The following DIAPH2 variants were observed in gnomAD, a reference collection of about 807,000 sequenced individuals.
DIAPH2 encodes the protein diaphanous related formin 2, also known as protein diaphanous homolog 2.
A neutral mutation model predicts 92.7 loss-of-function variants in DIAPH2; 35 were observed. The ratio of observed to expected loss-of-function variants is 0.38; its 90% CI spans 0.29 to 0.50. DIAPH2 has a LOEUF of 0.50. Among genes scored for constraint, DIAPH2 ranks in the 20% least tolerant of loss-of-function variants. The pLI, the probability that DIAPH2 is intolerant of heterozygous loss-of-function variation, is 0.94. For synonymous variants in DIAPH2, 301 were observed against 280.4 expected, an observed-to-expected ratio of 1.07 and a Z score of -0.73; for missense variants, 701 against 819.5, an observed-to-expected ratio of 0.86 and a Z score of 1.77.
rs1471990357 is a variant in DIAPH2, at chrX:97,451,764, A to G, written c.3241+22019A>G. 2.7e-5 allele frequency among the ~76,000 whole-genome samples: 3 copies of G among 111,433 alleles called. No homozygotes were observed. The East Asian group carries it at 8.4e-4, about 31-fold the overall frequency. The stretch of plus-strand genomic sequence containing the variant: ...TTTCTAAATGGAACAATTAGAACAA[A>G]CCTTATTTTAAAGTGTGCCTTTCCC... On this transcript the variant is annotated intron_variant, in intron 26 of 26. Transcript: ENST00000324765.
At chrX:97,543,232 A>G (rs1253487578) in intron 26 of DIAPH2, among the ~76,000 whole-genome samples, 2 of 111,945 alleles carry the variant, frequency 1.8e-5, no homozygotes, top group Non-Finnish European at 3.8e-5. Context: ...GGCTTCTTAC[A>G]TGGCGCATGT....
At position 97,444,133 on chromosome X, in the gene DIAPH2, C is replaced by A. The variant is rs994179335; in HGVS notation, c.3241+14388C>A. ...TGTAAGACTGTTATAAGGATTTGAT[C>A]TGTTTGTTTGAGGGACTTCTGGAAT... On this transcript the variant is annotated intron_variant, in intron 26 of 26. Coordinates refer to ENST00000324765, the MANE Select transcript of DIAPH2 (RefSeq NM_006729.5). 1.2e-4 allele frequency among the ~76,000 whole-genome samples: 13 copies of A among 111,376 alleles called. 1 individual carries two copies.
intron 26 of DIAPH2, among the ~76,000 whole-genome samples, chrX:97,434,922 G>T (rs186644856): frequency 1.2e-3 from 137 of 111,318 alleles, no homozygotes; most frequent in African/African-American, 4.2e-3. Context: ...TTGTTATAGG[G>T]ATTTTTAAGA....
intron 17 of DIAPH2, among the ~76,000 whole-genome samples, chrX:97,044,610 G>C (rs2066468857): frequency 9.0e-6 from 1 of 110,946 alleles, no homozygotes; most frequent in Admixed American, 9.6e-5. Context: ...CTTGTGCCCT[G>C]GTTCCCATTC....
At chrX:96,749,025 T>C (rs5949454) in intron 3 of DIAPH2, among the ~76,000 whole-genome samples, 9,980 of 107,001 alleles carry the variant, frequency 0.093, 433 homozygotes, top group Middle Eastern at 0.17. Flanking sequence ...ATTATATAGT[T>C]TGCAAAACCT....
chrX:97,394,175 G>GA (rs1316366937), intron 25 of DIAPH2, among the ~76,000 whole-genome samples: 22 of 111,600 alleles, frequency 2.0e-4, no homozygotes, highest in African/African-American at 6.8e-4. Context: ...TTATAGATTA[G>GA]AAAACTCACA....
chrX:96,700,255 C>T (rs887370044), intron 1 of DIAPH2, among the ~76,000 whole-genome samples: 1 of 112,047 alleles, frequency 8.9e-6, no homozygotes, highest in African/African-American at 3.2e-5. Context: ...GCGATCCACC[C>T]GTCTCAGCCT....
chrX:97,591,067 A>G (rs960112199), intron 26 of DIAPH2, among the ~76,000 whole-genome samples: 6 of 111,851 alleles, frequency 5.4e-5, no homozygotes, highest in Non-Finnish European at 7.5e-5. Flanking sequence ...ATTGCTTTTC[A>G]TACCCTCTTT....
At chrX:97,122,208 T>C (rs1409528750) in intron 21 of DIAPH2, among the ~76,000 whole-genome samples, 1 of 111,820 alleles carries the variant, frequency 8.9e-6, no homozygotes, top group African/African-American at 3.2e-5. Context: ...AAACTTGGAA[T>C]CCATCTTTTT....
chrX:97,308,615 T>C (rs2068766286), intron 23 of DIAPH2, among the ~76,000 whole-genome samples: 3 of 2,768 alleles, frequency 1.1e-3, no homozygotes, highest in African/African-American at 1.2e-3. Context: ...AAACCCCATC[T>C]TTTTTTTTTT....
intron 4 of DIAPH2, among the ~76,000 whole-genome samples, chrX:96,860,179 G>A (rs759123546): frequency 9.9e-5 from 11 of 111,541 alleles, no homozygotes; most frequent in Non-Finnish European, 2.1e-4. Context: ...TTACAACTTT[G>A]AATAAATAAA....
At chrX:96,885,773 G>A (rs760365638) in intron 5 of DIAPH2, among the ~76,000 whole-genome samples, 9 of 111,803 alleles carry the variant, frequency 8.0e-5, no homozygotes, top group African/African-American at 2.6e-4. Flanking sequence ...CATATATGAT[G>A]TGGTATTTGG....
intron 23 of DIAPH2, among the ~76,000 whole-genome samples, chrX:97,294,369 G>A (rs1024306037): frequency 8.9e-6 from 1 of 112,192 alleles, no homozygotes; most frequent in Non-Finnish European, 1.9e-5. Flanking sequence ...ATTTATGGAT[G>A]AGAAAACTGA....
Position 97,466,884 on chromosome X carries a change from T to C in DIAPH2, c.3241+37139T>C, listed in dbSNP as rs767177562. ...GCCTGAGAGTGAGAGAGAATATATG[T>C]GTATAGGTATGTTTATATGTATTGC... On this transcript the variant is annotated intron_variant, in intron 26 of 26. Coordinates refer to ENST00000324765, the MANE Select transcript of DIAPH2 (RefSeq NM_006729.5). 2.7e-5 allele frequency among the ~76,000 whole-genome samples: 3 copies of C among 112,258 alleles called. No homozygotes were observed. In the South Asian group the frequency reaches 1.1e-3, roughly 42 times the overall value.
In DIAPH2 at chrX:97,131,647, G is replaced by A. The variant is rs750878193; in HGVS notation, c.2590-10018G>A. Among the ~76,000 whole-genome samples, 112 of 111,828 alleles carry A rather than the reference G, an allele frequency of 1.0e-3. 1 individual carries two copies. The highest frequency in any genetic ancestry group is 4.6e-3 in the Middle Eastern group (1 of 217). On this transcript the variant is annotated intron_variant, in intron 21 of 26. Transcript: ENST00000324765. The stretch of plus-strand genomic sequence containing the variant: ...AATAAAAGTTAAAAGTTTTAGTTAC[G>A]TGCTTAACCCATGTCTGAGAAGAAA...
Position 97,198,305 on chromosome X carries a change from T to C in DIAPH2, c.2720-49410T>C, listed in dbSNP as rs868243774. 5.0e-3 allele frequency among the ~76,000 whole-genome samples: 424 copies of C among 84,754 alleles called. 1 individual carries two copies. Among genetic ancestry groups the C allele is most frequent in the African/African-American group, 0.029 (373 of 12,690 alleles). The allele number at this position is 84,754 out of a possible 115,157, so 73.6% of individuals were successfully genotyped here. ...ACACACACACACACACACACACACA[T>C]ATGTGTATATACATATATATATACA... On this transcript the variant is annotated intron_variant, in intron 22 of 26. Transcript: ENST00000324765.
At chrX:97,307,001 G>A (rs1396517632) in intron 23 of DIAPH2, among the ~76,000 whole-genome samples, 1 of 111,849 alleles carries the variant, frequency 8.9e-6, no homozygotes, top group Non-Finnish European at 1.9e-5. Context: ...ATTGTGAATG[G>A]GGCAGTTTAA....
chrX:97,293,828 G>GT (rs2068620265), intron 23 of DIAPH2, among the ~76,000 whole-genome samples: 1 of 111,649 alleles, frequency 9.0e-6, no homozygotes, highest in Non-Finnish European at 1.9e-5. Flanking sequence ...GTCTATCTTT[G>GT]TTTGTTCCTA....
chrX:96,773,242 C>CCA (rs767579908), intron 4 of DIAPH2, among the ~76,000 whole-genome samples: 1 of 86,162 alleles, frequency 1.2e-5, no homozygotes, highest in Admixed American at 1.3e-4. Context: ...TTGTTTCCCC[C>CCA]CCCCTCCCGC....
Sources: allele counts gnomAD v4.1 joint callset (sites outside exome capture counted in the v4.1 genomes callset), GRCh38; gene constraint gnomAD v4.1.1; transcripts MANE v1.5; gene names NCBI Gene and HGNC (gene_info 2026-07-23, HGNC 2026-07-21).